Variants in CENPU observed in about 807,000 individuals in gnomAD.
CENPU encodes the protein centromere protein U.
A neutral mutation model predicts 56.7 loss-of-function variants in CENPU; 46 were observed. The observed-to-expected ratio is 0.81, with a 90% CI of 0.64 to 1.04. The LOEUF (loss-of-function observed/expected upper bound fraction) is 1.04. CENPU is among the 50% of genes least tolerant of loss of function. The pLI, the probability that CENPU is intolerant of heterozygous loss-of-function variation, is 0.00. For synonymous variants in CENPU, 166 were observed against 163.0 expected (o/e 1.02, Z -0.14); for missense variants, 510 against 490.1 (o/e 1.04, Z -0.38).
At chr4:184,720,254 CAG>C (rs1761230530) in intron 4 of CENPU, among the ~76,000 whole-genome samples, 1 of 151,986 alleles carries the variant, frequency 6.6e-6, no homozygotes, top group African/African-American at 2.4e-5. Flanking sequence ...AAGAATACAT[CAG>C]AGTCTCTTAA....
At chr4:184,733,960 G>A in intron 1 of CENPU, 56 bp downstream of exon 1, 4 of 1,607,316 alleles carry the variant, frequency 2.5e-6, no homozygotes, top group South Asian at 1.1e-5. Flanking sequence ...CGGCAGGCGA[G>A]GAAGCAGTTC....
At position 184,727,102 on chromosome 4, in the gene CENPU, G is replaced by A. The variant is rs1362426579; in HGVS notation, c.214+1816C>T. On this transcript the variant is annotated intron_variant, in intron 3 of 12. Transcript: ENST00000281453. ...CTGCACTTCAGCCTAGGTGACAGAGGAAGACTTCGTCTCCAAAAAAAAAAA... is the reference window on the plus strand; with the variant it reads ...CTGCACTTCAGCCTAGGTGACAGAGAAAGACTTCGTCTCCAAAAAAAAAAA... 9.1e-5 allele frequency among the ~76,000 whole-genome samples: 12 copies of A among 132,578 alleles called. No homozygotes were observed. The East Asian group carries it at 1.8e-3, about 20-fold the overall frequency. 87.0% of individuals were successfully genotyped at this position (132,578 alleles called of 152,430 possible). A position where few individuals can be genotyped will look rare whatever the true frequency, so the allele number is the denominator to read the frequency against.
At chr4:184,730,409 C>T (rs1048791779) in intron 2 of CENPU, among the ~76,000 whole-genome samples, 1 of 151,478 alleles carries the variant, frequency 6.6e-6, no homozygotes, top group African/African-American at 2.4e-5. Flanking sequence ...GAACTCCTTC[C>T]GGGGTGCCTG....
Position 184,695,268 on chromosome 4 carries a change from A to G in CENPU, c.*20T>C. The G allele has an allele frequency of 6.5e-7, 1 of 1,532,200 alleles. No individual in the cohort carries two copies. The highest frequency in any genetic ancestry group is 2.2e-5 in the East Asian group (1 of 44,480). 94.9% of individuals were successfully genotyped at this position (1,532,200 alleles called of 1,614,324 possible). Reference sequence around the variant, plus strand: ...ATGAGACTAGTCTTCCTATAGGCACATTTTAGTAGACTGCTCTTCTCATCC... The same window carrying G: ...ATGAGACTAGTCTTCCTATAGGCACGTTTTAGTAGACTGCTCTTCTCATCC... On this transcript the variant is annotated 3_prime_UTR_variant, in exon 13 of 13. Coordinates refer to ENST00000281453, the MANE Select transcript of CENPU (RefSeq NM_024629.4).
At chr4:184,720,306 T>C (rs1275529012) in intron 4 of CENPU, among the ~76,000 whole-genome samples, 3 of 151,910 alleles carry the variant, frequency 2.0e-5, no homozygotes, top group African/African-American at 7.3e-5. Context: ...TTAGTGAGCT[T>C]GAAGACAGGC....
intron 10 of CENPU, among the ~76,000 whole-genome samples, chr4:184,701,466 A>C (rs184501975): frequency 6.6e-6 from 1 of 152,316 alleles, no homozygotes; most frequent in African/African-American, 2.4e-5. Flanking sequence ...TTAAATGTAG[A>C]GGTGGACTTC....
At chr4:184,710,854 T>C (rs1192424381) in intron 7 of CENPU, among the ~76,000 whole-genome samples, 1 of 152,172 alleles carries the variant, frequency 6.6e-6, no homozygotes, top group Non-Finnish European at 1.5e-5. Flanking sequence ...TAATTTTTTT[T>C]CTTAGAAAAA....
At chr4:184,698,156 CA>C (rs1760404940) in intron 11 of CENPU, 1 of 172,480 alleles carries the variant, frequency 5.8e-6, no homozygotes, top group Admixed American at 6.2e-5. Flanking sequence ...TACAGTCTAA[CA>C]CAGAAACCAT....
chr4:184,705,035 T>C (rs537050325), intron 8 of CENPU, among the ~76,000 whole-genome samples: 1 of 152,222 alleles, frequency 6.6e-6, no homozygotes, highest in Admixed American at 6.5e-5. Flanking sequence ...AAACTAAACA[T>C]GCAATTACCA....
chr4:184,702,142 C>T lies in CENPU; in HGVS notation c.877-6G>A, dbSNP rs766948712. On this transcript the variant is annotated splice_region_variant and splice_polypyrimidine_tract_variant and intron_variant, in intron 9 of 12. Coordinates refer to ENST00000281453, the MANE Select transcript of CENPU (RefSeq NM_024629.4). ...AACATCTGGCTTTCTTTAAGCTACA[C>T]AAAACAAAAAATACACATGTACATC... 6.9e-6 allele frequency: 11 copies of T among 1,598,728 alleles called. No homozygotes were observed. The highest frequency in any genetic ancestry group is 2.7e-5 in the African/African-American group (2 of 74,300).
rs373628899 is a variant in CENPU at position 184,723,579 on chromosome 4, A to C, written c.320+1378T>G. On this transcript the variant is annotated intron_variant, in intron 4 of 12. Transcript: ENST00000281453. ...CTGGAGTCAGCCAGGCACGGTGGCT[A>C]ACGCCTGTAATCCTAGCACTTTGGG... Among the ~76,000 whole-genome samples, 154 of 152,234 alleles carry C rather than the reference A, an allele frequency of 1.0e-3. 2 individuals are homozygous for C. The Middle Eastern group carries it at 0.01, about 10-fold the overall frequency.
chr4:184,698,000 G>A, intron 11 of CENPU, 197 bp from the exon 12 acceptor site: 1 of 527,272 alleles, frequency 1.9e-6, no homozygotes, highest in Non-Finnish European at 3.3e-6. Context: ...GAAATACAAT[G>A]CACAATGAAT....
At chr4:184,697,986 C>A (rs1760398678) in intron 11 of CENPU, 183 bp from the exon 12 acceptor site, 1 of 548,546 alleles carries the variant, frequency 1.8e-6, no homozygotes, top group Non-Finnish European at 3.2e-6. Flanking sequence ...GAAAAAAAAT[C>A]TCTGAAATAC....
At chr4:184,718,801 A>G (rs1312655978) in intron 4 of CENPU, among the ~76,000 whole-genome samples, 1 of 152,212 alleles carries the variant, frequency 6.6e-6, no homozygotes, top group East Asian at 1.9e-4. Context: ...CTATTAACCT[A>G]GAGAACACCA....
chr4:184,713,286 G>A (rs1422229403), intron 6 of CENPU, among the ~76,000 whole-genome samples: 1 of 152,194 alleles, frequency 6.6e-6, no homozygotes, highest in Non-Finnish European at 1.5e-5. Flanking sequence ...AGCTACTGGG[G>A]AGGCTGAGGC....
At chr4:184,730,421 C>T (rs1040179314) in intron 2 of CENPU, among the ~76,000 whole-genome samples, 3 of 151,500 alleles carry the variant, frequency 2.0e-5, no homozygotes, top group Admixed American at 6.6e-5. Flanking sequence ...GGGTGCCTGG[C>T]ACTGTCATAC....
At chr4:184,711,550 C>G (rs751256253) in intron 7 of CENPU, among the ~76,000 whole-genome samples, 1 of 152,150 alleles carries the variant, frequency 6.6e-6, no homozygotes, top group South Asian at 2.1e-4. Flanking sequence ...CAGCCTCCCC[C>G]TCTCCCCTGC....
intron 12 of CENPU, among the ~76,000 whole-genome samples, chr4:184,696,557 C>A (rs1760327799): frequency 6.6e-6 from 1 of 152,066 alleles, no homozygotes; most frequent in Non-Finnish European, 1.5e-5. Flanking sequence ...CCTTTAAAAG[C>A]ATTCTATTTC....
chr4:184,699,283 T>A (rs1169543466), intron 11 of CENPU, among the ~76,000 whole-genome samples: 3 of 152,036 alleles, frequency 2.0e-5, no homozygotes, highest in Non-Finnish European at 4.4e-5. Context: ...TGAGCCAAGA[T>A]AGCGCCACCG....
Sources: gnomAD v4.1 joint callset for allele counts (sites outside exome capture counted in the v4.1 genomes callset) on GRCh38, gnomAD v4.1.1 for gene constraint, MANE v1.5 for transcripts, NCBI Gene and HGNC (gene_info 2026-07-23, HGNC 2026-07-21) for gene names.